Variants in NTRK2 observed in about 807,000 individuals in gnomAD.
NTRK2 encodes BDNF/NT-3 growth factors receptor.
In NTRK2, 13 loss-of-function variants were observed where a neutral mutation model predicts 94.5. The ratio of observed to expected loss-of-function variants is 0.14; its 90% CI spans 0.09 to 0.22. NTRK2 has a LOEUF of 0.22. Ranked by LOEUF, NTRK2 falls within the 10% of genes least tolerant of loss-of-function variation. NTRK2 has a pLI of 1.00. For missense variants in NTRK2, 639 were observed against 1,071.2 expected (o/e 0.60, Z 5.63); for synonymous variants, 372 against 407.4 (o/e 0.91, Z 1.05).
intron 14 of NTRK2, among the ~76,000 whole-genome samples, chr9:84,870,331 G>GTGTGTGTATATATATATATA (rs1349303529): frequency 0.017 from 541 of 31,088 alleles, 21 homozygotes; most frequent in Middle Eastern, 0.056. Flanking sequence ...GTGTGTGTGT[G>GTGTGTGTATATATATATATA]TATATATATA....
chr9:84,983,251 G>C (rs1400265237), intron 17 of NTRK2, among the ~76,000 whole-genome samples: 2 of 152,146 alleles, frequency 1.3e-5, no homozygotes, highest in Non-Finnish European at 1.5e-5. Context: ...AGGTGAAATT[G>C]ACAGAGGAAG....
chr9:84,696,058 G>C (rs1203158432), intron 2 of NTRK2, among the ~76,000 whole-genome samples: 1 of 152,190 alleles, frequency 6.6e-6, no homozygotes, highest in Non-Finnish European at 1.5e-5. Flanking sequence ...ACCCAGGCTG[G>C]AGTGCAGTTG....
chr9:84,729,440 T>A (rs2062688917), intron 9 of NTRK2, among the ~76,000 whole-genome samples: 1 of 152,210 alleles, frequency 6.6e-6, no homozygotes, highest in Non-Finnish European at 1.5e-5. Flanking sequence ...TAGCTTGCAG[T>A]GTGCAGGAAG....
Position 84,802,960 on chromosome 9 carries a change from C to T in NTRK2, c.1396+50875C>T, listed in dbSNP as rs571584304. On this transcript the variant is annotated intron_variant, in intron 12 of 18. Transcript: ENST00000277120. The stretch of plus-strand genomic sequence containing the variant: ...TTATAAACCTTGCTGGGATAAGACA[C>T]GATCACTGGGGTTTAAGTTGGGTAT... Among the ~76,000 whole-genome samples, 7 of 152,204 alleles carry T rather than the reference C, an allele frequency of 4.6e-5. No individual in the cohort carries two copies. The East Asian group carries it at 7.7e-4, about 17-fold the overall frequency.
chr9:84,821,554 A>C (rs2072833794), intron 12 of NTRK2, among the ~76,000 whole-genome samples: 1 of 152,200 alleles, frequency 6.6e-6, no homozygotes, highest in Non-Finnish European at 1.5e-5. Context: ...GCTGAGAAGA[A>C]ATAATTACAA....
intron 17 of NTRK2, among the ~76,000 whole-genome samples, chr9:84,974,441 G>T (rs1465055453): frequency 6.6e-6 from 1 of 152,164 alleles, no homozygotes; most frequent in African/African-American, 2.4e-5. Context: ...AATTTTTATA[G>T]ATCTCAGTTT....
intron 14 of NTRK2, among the ~76,000 whole-genome samples, chr9:84,892,944 C>T (rs567085101): frequency 2.0e-5 from 3 of 151,662 alleles, no homozygotes; most frequent in Non-Finnish European, 4.4e-5. Context: ...AATTACTGTA[C>T]TTTCTTCTTT....
intron 14 of NTRK2, among the ~76,000 whole-genome samples, chr9:84,922,166 T>G (rs1212760093): frequency 6.6e-6 from 1 of 152,194 alleles, no homozygotes; most frequent in Non-Finnish European, 1.5e-5. Context: ...CCGAAATAGT[T>G]TTCAGATTTT....
intron 12 of NTRK2, among the ~76,000 whole-genome samples, chr9:84,764,447 C>T (rs1047301428): frequency 1.1e-4 from 17 of 152,112 alleles, no homozygotes; most frequent in African/African-American, 3.9e-4. Flanking sequence ...AATTTCAGCT[C>T]TTTCATTATA....
intron 12 of NTRK2, among the ~76,000 whole-genome samples, chr9:84,786,083 A>T (rs2068084757): frequency 6.6e-6 from 1 of 152,198 alleles, no homozygotes; most frequent in African/African-American, 2.4e-5. Context: ...ACCAGAGCAC[A>T]TTCAGCCACT....
chr9:84,964,478 T>C (rs964105004), intron 17 of NTRK2, among the ~76,000 whole-genome samples: 8 of 152,228 alleles, frequency 5.3e-5, no homozygotes, highest in African/African-American at 1.9e-4. Flanking sequence ...CCATGAATAG[T>C]ATCCTCACAT....
intron 14 of NTRK2, among the ~76,000 whole-genome samples, chr9:84,870,097 C>CTATATATATATA (rs67434914): frequency 1.4e-3 from 140 of 99,668 alleles, no homozygotes; most frequent in African/African-American, 4.1e-3. Flanking sequence ...TTCCCATTGA[C>CTATATATATATA]TATATATATA....
chr9:84,965,668 G>C (rs1208856727), intron 17 of NTRK2, among the ~76,000 whole-genome samples: 1 of 152,174 alleles, frequency 6.6e-6, no homozygotes. Flanking sequence ...CAGAATGGTA[G>C]GCACTTCCTA....
At chr9:84,823,033 A>G (rs2072951574) in intron 12 of NTRK2, among the ~76,000 whole-genome samples, 1 of 151,960 alleles carries the variant, frequency 6.6e-6, no homozygotes, top group African/African-American at 2.4e-5. Context: ...CGGAAACTCC[A>G]CTTCCTTAAA....
At chr9:85,012,912 C>A (rs557095879) in intron 17 of NTRK2, among the ~76,000 whole-genome samples, 1 of 152,146 alleles carries the variant, frequency 6.6e-6, no homozygotes, top group Admixed American at 6.5e-5. Flanking sequence ...GCATTAAGGT[C>A]CAGCACATCT....
intron 12 of NTRK2, among the ~76,000 whole-genome samples, chr9:84,785,099 C>T (rs2067989752): frequency 6.6e-6 from 1 of 152,070 alleles, no homozygotes; most frequent in Non-Finnish European, 1.5e-5. Context: ...CTAGAGAAAG[C>T]ACCTTCTTTA....
chr9:84,865,209 C>A (rs1339760855), intron 13 of NTRK2, among the ~76,000 whole-genome samples: 1 of 152,152 alleles, frequency 6.6e-6, no homozygotes, highest in Non-Finnish European at 1.5e-5. Context: ...ACAAGACGAA[C>A]ACAACTGATG....
intron 14 of NTRK2, among the ~76,000 whole-genome samples, chr9:84,926,185 T>G (rs376949781): frequency 3.5e-5 from 4 of 115,416 alleles, no homozygotes; most frequent in African/African-American, 9.8e-5. Context: ...TTTCTTTCTT[T>G]CTTTCTTTCT....
intron 12 of NTRK2, among the ~76,000 whole-genome samples, chr9:84,756,666 A>C (rs372258761): frequency 6.6e-6 from 1 of 152,344 alleles, no homozygotes; most frequent in Admixed American, 6.5e-5. Flanking sequence ...TGTAGAAGAG[A>C]CTAGAAGAGG....
Sources: gnomAD v4.1 joint callset for allele counts (sites outside exome capture counted in the v4.1 genomes callset) on GRCh38, gnomAD v4.1.1 for gene constraint, MANE v1.5 for transcripts, NCBI Gene and HGNC (gene_info 2026-07-23, HGNC 2026-07-21) for gene names.